SHANK2: variants seen among roughly 807,000 people sequenced by gnomAD.
SHANK2 encodes SH3 and multiple ankyrin repeat domains 2, also known as SH3 and multiple ankyrin repeat domains protein 2.
Under a neutral mutation model 133.7 loss-of-function variants are expected in SHANK2, and 43 were observed. That is an observed-to-expected ratio of 0.32 (90% CI 0.25 to 0.41). The LOEUF is 0.41. Ranked by LOEUF, SHANK2 falls within the 10% of genes least tolerant of loss-of-function variation. SHANK2 has a pLI of 1.00. For missense variants in SHANK2, 1,994 were observed against 2,235.8 expected, an observed-to-expected ratio of 0.89 and a Z score of 2.18; for synonymous variants, 1,017 against 952.8, an observed-to-expected ratio of 1.07 and a Z score of -1.24.
At chr11:70,660,969 C>G (rs1225655623) in intron 16 of SHANK2, among the ~76,000 whole-genome samples, 1 of 152,228 alleles carries the variant, frequency 6.6e-6, no homozygotes, top group Non-Finnish European at 1.5e-5. Flanking sequence ...GGAAGCTGCG[C>G]GTGCAGGGTG....
At chr11:70,815,442 C>A (rs1285718819) in intron 12 of SHANK2, among the ~76,000 whole-genome samples, 1 of 152,094 alleles carries the variant, frequency 6.6e-6, no homozygotes, top group Non-Finnish European at 1.5e-5. Flanking sequence ...GCGAGGGACC[C>A]TGTGGTGTCT....
At position 70,870,061 on chromosome 11, in the gene SHANK2, C is replaced by G. The variant is rs114678938; in HGVS notation, c.1174+26440G>C. Reference sequence around the variant, plus strand: ...GCAGATGTGATCAGTGAGGTTGCGACGAGGTAATACTGGATTAGGGAGGGT... The same window carrying G: ...GCAGATGTGATCAGTGAGGTTGCGAGGAGGTAATACTGGATTAGGGAGGGT... On this transcript the variant is annotated intron_variant, in intron 11 of 25. Coordinates refer to ENST00000601538, the MANE Select transcript of SHANK2 (RefSeq NM_012309.5). Among the ~76,000 whole-genome samples the G allele has an allele frequency of 3.0e-3, 450 of 152,156 alleles. 1 individual carries two copies. Among genetic ancestry groups the G allele is most frequent in the African/African-American group, 9.2e-3 (381 of 41,506 alleles).
chr11:71,104,530 C>T (rs1555097386), intron 6 of SHANK2, among the ~76,000 whole-genome samples: 1 of 152,224 alleles, frequency 6.6e-6, no homozygotes, highest in Non-Finnish European at 1.5e-5. Flanking sequence ...TGGGCTCTGG[C>T]CTCTCGTTGG....
intron 14 of SHANK2, among the ~76,000 whole-genome samples, chr11:70,712,875 C>T (rs558614775): frequency 4.6e-5 from 7 of 152,218 alleles, no homozygotes; most frequent in Non-Finnish European, 8.8e-5. Flanking sequence ...AACAAGCACC[C>T]GAGTCCATAG....
chr11:71,101,210 G>T (rs1951711747), intron 6 of SHANK2, among the ~76,000 whole-genome samples: 1 of 152,170 alleles, frequency 6.6e-6, no homozygotes, highest in South Asian at 2.1e-4. Context: ...ACTGGGCTCT[G>T]TCCCCGACCC....
At chr11:70,850,316 A>G (rs1001227600) in intron 11 of SHANK2, among the ~76,000 whole-genome samples, 12 of 152,192 alleles carry the variant, frequency 7.9e-5, no homozygotes, top group Admixed American at 6.5e-5. Context: ...TCTGTCTCCA[A>G]GCTTCCACCC....
intron 5 of SHANK2, among the ~76,000 whole-genome samples, chr11:71,111,269 C>T (rs200745488): frequency 6.6e-6 from 1 of 152,248 alleles, no homozygotes; most frequent in Non-Finnish European, 1.5e-5. Context: ...GCCTCCATCC[C>T]CAGGGAGTGA....
In SHANK2 at chr11:71,226,318, A is replaced by G. The variant is rs148530581; in HGVS notation, c.-112-1522T>C. ...TAAATAAACAGAGTCTCAGGGAGTT[A>G]TGGGACAATAATAAAATACCTAACT... On this transcript the variant is annotated intron_variant, in intron 1 of 25. Coordinates refer to ENST00000601538, the MANE Select transcript of SHANK2 (RefSeq NM_012309.5). Among the ~76,000 whole-genome samples the G allele has an allele frequency of 1.5e-3, 236 of 152,332 alleles. 1 individual carries two copies. The highest frequency in any genetic ancestry group is 5.4e-3 in the African/African-American group (223 of 41,582).
intron 14 of SHANK2, among the ~76,000 whole-genome samples, chr11:70,786,098 C>T (rs1397365387): frequency 6.6e-6 from 1 of 152,148 alleles, no homozygotes; most frequent in African/African-American, 2.4e-5. Flanking sequence ...CAACAAACAC[C>T]AGGAGTAACT....
intron 17 of SHANK2, among the ~76,000 whole-genome samples, chr11:70,583,318 G>A (rs1364528623): frequency 6.6e-6 from 1 of 152,140 alleles, no homozygotes; most frequent in Non-Finnish European, 1.5e-5. Flanking sequence ...GTGACCTGGA[G>A]GGCAAGGGTA....
At chr11:70,585,809 C>T (rs2136242336) in intron 17 of SHANK2, among the ~76,000 whole-genome samples, 1 of 150,114 alleles carries the variant, frequency 6.7e-6, no homozygotes, top group South Asian at 2.2e-4. Flanking sequence ...TACCCAACCA[C>T]TCATCTATCC....
At chr11:71,170,874 G>A (rs1210371745) in intron 2 of SHANK2, among the ~76,000 whole-genome samples, 3 of 152,198 alleles carry the variant, frequency 2.0e-5, no homozygotes, top group African/African-American at 7.2e-5. Flanking sequence ...CGTCCTCCAG[G>A]GATTCCTGAT....
chr11:71,102,323 C>CA (rs1321923828), intron 6 of SHANK2, among the ~76,000 whole-genome samples: 1 of 152,026 alleles, frequency 6.6e-6, no homozygotes, highest in East Asian at 1.9e-4. Flanking sequence ...GAACAGGTAC[C>CA]AGATGGTCGC....
chr11:71,069,182 C>G (rs1229726539), intron 9 of SHANK2, among the ~76,000 whole-genome samples: 2 of 151,046 alleles, frequency 1.3e-5, no homozygotes, highest in African/African-American at 4.9e-5. Flanking sequence ...ATCATCAGCA[C>G]CATCACTATC....
rs191422478 is a variant in SHANK2 at position 70,486,141 on chromosome 11, C to T, written c.4152G>A (p.Ala1384=). 329 of 1,613,162 alleles carry T rather than the reference C, an allele frequency of 2.0e-4. 5 individuals carry two copies. In the East Asian group the frequency reaches 7.0e-3, roughly 34 times the overall value. ...GAGGGATGCGGAATGGCAAAATCAC[C>T]GCCTCTTCCATGGAGCCCACCGCGA... ...TIVAVGSMEE[A]VILPFRIPPP... is the part of the protein sequence containing the mutation. Residue 1384 remains alanine (A), a synonymous_variant, in exon 25 of 26, where the codon GCG becomes GCA. Coordinates refer to ENST00000601538, the MANE Select transcript of SHANK2 (RefSeq NM_012309.5). The surrounding 1 kb of genome is among the most constrained non-coding windows in gnomAD (Gnocchi z 8.0).
intron 15 of SHANK2, among the ~76,000 whole-genome samples, chr11:70,696,085 T>C (rs1945385765): frequency 6.6e-6 from 1 of 152,198 alleles, no homozygotes; most frequent in South Asian, 2.1e-4. Flanking sequence ...GCAGAGTTGG[T>C]GGGGATCTTG....
At chr11:71,060,632 G>A (rs1278527989) in intron 9 of SHANK2, among the ~76,000 whole-genome samples, 3 of 152,248 alleles carry the variant, frequency 2.0e-5, no homozygotes, top group Non-Finnish European at 2.9e-5. Context: ...GTCAGCAGGG[G>A]AGGGACAGAT....
chr11:70,715,389 C>A (rs528463040), intron 14 of SHANK2, among the ~76,000 whole-genome samples: 1 of 152,284 alleles, frequency 6.6e-6, no homozygotes, highest in East Asian at 1.9e-4. Context: ...GCACCCAGTG[C>A]CTATGGGGAG....
At chr11:70,892,087 A>G (rs1555074814) in intron 11 of SHANK2, among the ~76,000 whole-genome samples, 1 of 152,074 alleles carries the variant, frequency 6.6e-6, no homozygotes, top group East Asian at 1.9e-4. Context: ...GTGAGCTACA[A>G]AGGCTTCCCT....
Sources: allele counts gnomAD v4.1 joint callset (sites outside exome capture counted in the v4.1 genomes callset), GRCh38; gene constraint gnomAD v4.1.1; non-coding constraint Gnocchi (gnomAD v3.1); transcripts MANE v1.5; gene names NCBI Gene and HGNC (gene_info 2026-07-23, HGNC 2026-07-21).